MAPK10: variants seen among roughly 807,000 people sequenced by gnomAD.
MAPK10 encodes the protein JNK3 alpha protein kinase.
MAPK10 carries 25 observed loss-of-function variants against 59.3 expected under a neutral mutation model. The observed-to-expected ratio is 0.42, with a 90% CI of 0.31 to 0.59. The LOEUF is 0.59. Ranked by LOEUF, MAPK10 falls within the 20% of genes least tolerant of loss-of-function variation. MAPK10 has a pLI of 0.15. For missense variants in MAPK10, 351 were observed against 568.9 expected, an observed-to-expected ratio of 0.62 and a Z score of 3.90; for synonymous variants, 190 against 200.5, an observed-to-expected ratio of 0.95 and a Z score of 0.44.
intron 9 of MAPK10, among the ~76,000 whole-genome samples, chr4:86,094,213 C>T (rs4487330): frequency 0.48 from 72,653 of 151,672 alleles, 18,834 homozygotes; most frequent in African/African-American, 0.69. Context: ...TAAAAAGATA[C>T]AGCATTCAGT....
intron 3 of MAPK10, among the ~76,000 whole-genome samples, chr4:86,176,840 ATATATCACATTTTT>A (rs2075802084): frequency 6.6e-6 from 1 of 152,076 alleles, no homozygotes; most frequent in South Asian, 2.1e-4. Flanking sequence ...AACATACAAG[ATATATCACATTTTT>A]ATAATAATGT....
intron 3 of MAPK10, among the ~76,000 whole-genome samples, chr4:86,168,343 G>A (rs1417841150): frequency 8.5e-5 from 13 of 152,162 alleles, no homozygotes; most frequent in Non-Finnish European, 8.8e-5. Context: ...CTGGAAAATC[G>A]GGTCACTCCC....
intron 2 of MAPK10, among the ~76,000 whole-genome samples, chr4:86,239,741 T>G (rs887638027): frequency 6.6e-6 from 1 of 151,822 alleles, no homozygotes; most frequent in Non-Finnish European, 1.5e-5. Flanking sequence ...TTCTCTCTCT[T>G]CTTCTTTATT....
intron 3 of MAPK10, among the ~76,000 whole-genome samples, chr4:86,169,195 C>G (rs2073109489): frequency 6.6e-6 from 1 of 152,202 alleles, no homozygotes; most frequent in Non-Finnish European, 1.5e-5. Flanking sequence ...TCACCAGCAA[C>G]AGAACAAAGC....
intron 3 of MAPK10, among the ~76,000 whole-genome samples, chr4:86,171,258 A>T (rs2074032820): frequency 6.6e-6 from 1 of 152,036 alleles, no homozygotes; most frequent in Non-Finnish European, 1.5e-5. Context: ...GACACAAAAA[A>T]CCCTTCAAAA....
At chr4:86,339,503 A>G (rs1033166617) in intron 2 of MAPK10, among the ~76,000 whole-genome samples, 1 of 152,242 alleles carries the variant, frequency 6.6e-6, no homozygotes, top group East Asian at 1.9e-4. Context: ...GAAAAAGGTC[A>G]GGACACAGTG....
chr4:86,323,653 A>T (rs1240259006), intron 2 of MAPK10, among the ~76,000 whole-genome samples: 1 of 152,234 alleles, frequency 6.6e-6, no homozygotes, highest in Non-Finnish European at 1.5e-5. Flanking sequence ...CAAAGTTCCC[A>T]GTCATAGTCT....
chr4:86,276,093 G>C (rs1398115802), intron 2 of MAPK10, among the ~76,000 whole-genome samples: 2 of 152,042 alleles, frequency 1.3e-5, no homozygotes, highest in African/African-American at 4.8e-5. Context: ...TCTGAAAACT[G>C]TAAATATTTC....
chr4:86,225,610 C>G (rs1453815110), intron 2 of MAPK10, among the ~76,000 whole-genome samples: 1 of 152,168 alleles, frequency 6.6e-6, no homozygotes, highest in Non-Finnish European at 1.5e-5. Context: ...ACTCATCACA[C>G]TCAGTGGTGG....
rs569662097 is a variant in MAPK10, at chr4:86,581,558, A to C, written c.-263+12352T>G. ...GAAAAATGGTAAGCATGTTGTCAAA[A>C]TGCAATCGATGATATTTCAATCATG... is the stretch of plus-strand genomic sequence containing the variant. On this transcript the variant is annotated intron_variant, in intron 1 of 4. Transcript: ENST00000502302. 5.3e-5 allele frequency among the ~76,000 whole-genome samples: 8 copies of C among 152,160 alleles called. No individual in the cohort carries two copies. In the South Asian group the frequency reaches 1.7e-3, roughly 32 times the overall value.
intron 1 of MAPK10, among the ~76,000 whole-genome samples, chr4:86,511,519 C>T (rs149354867): frequency 3.1e-4 from 47 of 151,954 alleles, no homozygotes; most frequent in African/African-American, 9.4e-4. Flanking sequence ...GAGCCATGAT[C>T]GCACCACTCT....
chr4:86,043,082 A>G (rs1031349685), intron 11 of MAPK10, among the ~76,000 whole-genome samples: 1 of 152,138 alleles, frequency 6.6e-6, no homozygotes, highest in Admixed American at 6.6e-5. Context: ...TTTCAATTCC[A>G]GTGACTGTTA....
chr4:86,466,442 T>C (rs1390118011), intron 1 of MAPK10, among the ~76,000 whole-genome samples: 1 of 152,206 alleles, frequency 6.6e-6, no homozygotes, highest in Non-Finnish European at 1.5e-5. Flanking sequence ...TAGTGACACC[T>C]CAACCTCAAA....
intron 2 of MAPK10, among the ~76,000 whole-genome samples, chr4:86,199,195 T>C (rs1461849294): frequency 6.6e-6 from 1 of 152,042 alleles, no homozygotes; most frequent in African/African-American, 2.4e-5. Flanking sequence ...AGAGAAACTC[T>C]TATGTTTTTA....
At chr4:86,107,670 G>A (rs567787778) in intron 4 of MAPK10, 11 of 1,001,726 alleles carry the variant, frequency 1.1e-5, no homozygotes, top group African/African-American at 6.9e-5. Context: ...GTGAGTGGGT[G>A]GAATAAAGAA....
chr4:86,034,288 G>T (rs1205303589), intron 11 of MAPK10, among the ~76,000 whole-genome samples: 1 of 152,090 alleles, frequency 6.6e-6, no homozygotes, highest in Admixed American at 6.6e-5. Flanking sequence ...AACTTCCTTG[G>T]TTGAAATTAT....
intron 1 of MAPK10, among the ~76,000 whole-genome samples, chr4:86,425,494 TTTTG>T (rs942056853): frequency 1.3e-5 from 2 of 152,142 alleles, no homozygotes; most frequent in African/African-American, 4.8e-5. Flanking sequence ...ACCTGTTTTG[TTTTG>T]TTTGTTTGGA....
Position 86,013,592 on chromosome 4 carries a change from G to A in MAPK10, c.*3636C>T, listed in dbSNP as rs747286995. The A allele has an allele frequency of 2.0e-5, 3 of 151,984 alleles. No individual in the cohort carries two copies. Among genetic ancestry groups the A allele is most frequent in the African/African-American group, 7.2e-5 (3 of 41,396 alleles). 9.4% of individuals were successfully genotyped at this position (151,984 alleles called of 1,614,324 possible). A position where few individuals can be genotyped will look rare whatever the true frequency, so the allele number is the denominator to read the frequency against. Reference sequence around the variant, plus strand: ...TATTTACAATTTTAAAACAAATCAAGTTTGCTTATTTTTTTTTCCTTGACA... The same window carrying A: ...TATTTACAATTTTAAAACAAATCAAATTTGCTTATTTTTTTTTCCTTGACA... On this transcript the variant is annotated 3_prime_UTR_variant, in exon 14 of 14. Coordinates refer to ENST00000641462, the MANE Select transcript of MAPK10 (RefSeq NM_138982.4).
chr4:86,506,950 AAT>A (rs1755787108), intron 1 of MAPK10, among the ~76,000 whole-genome samples: 2 of 152,164 alleles, frequency 1.3e-5, no homozygotes, highest in South Asian at 4.1e-4. Flanking sequence ...TATACATAAA[AAT>A]ATGAGTATAT....
Sources: gnomAD v4.1 joint callset for allele counts (sites outside exome capture counted in the v4.1 genomes callset) on GRCh38, gnomAD v4.1.1 for gene constraint, MANE v1.5 for transcripts, NCBI Gene and HGNC (gene_info 2026-07-23, HGNC 2026-07-21) for gene names.